Variants in GOLGA7 observed in about 807,000 individuals in gnomAD.
GOLGA7 encodes the protein golgin A7.
A neutral mutation model predicts 21.1 loss-of-function variants in GOLGA7; 10 were observed. The observed-to-expected ratio is 0.47, with a 90% CI of 0.29 to 0.80. The LOEUF is 0.80. Ranked by LOEUF, GOLGA7 falls within the 30% of genes least tolerant of loss-of-function variation. The pLI, the probability that GOLGA7 is intolerant of heterozygous loss-of-function variation, is 0.08. For synonymous variants in GOLGA7, 64 were observed against 62.6 expected (o/e 1.02, Z -0.10); for missense variants, 114 against 166.8 (o/e 0.68, Z 1.74).
chr8:41,497,702 T>C (rs879698825), intron 2 of GOLGA7, 41 bp downstream of exon 2: 1 of 1,121,808 alleles, frequency 8.9e-7, no homozygotes, highest in Admixed American at 2.0e-5. Flanking sequence ...CTTAAAATCA[T>C]GAAGAAGGCA....
At chr8:41,497,727 T>G in intron 2 of GOLGA7, 66 bp downstream of exon 2, 1 of 790,106 alleles carries the variant, frequency 1.3e-6, no homozygotes, top group African/African-American at 1.7e-5. Context: ...TATTACACAT[T>G]GATGCTTACA....
chr8:41,502,945 C>T (rs1806184063), intron 2 of GOLGA7, among the ~76,000 whole-genome samples: 3 of 151,954 alleles, frequency 2.0e-5, no homozygotes, highest in Admixed American at 1.3e-4. Flanking sequence ...GTGAGAATGG[C>T]GCTTTGTCCT....
intron 4 of GOLGA7, among the ~76,000 whole-genome samples, chr8:41,507,610 C>T (rs989809905): frequency 1.3e-5 from 2 of 152,166 alleles, no homozygotes; most frequent in Non-Finnish European, 2.9e-5. Flanking sequence ...ACCTTACCTA[C>T]TGAGTAGAAA....
In GOLGA7 at chr8:41,501,136, G is replaced by C. The variant is rs544408057; in HGVS notation, c.264+3475G>C. On this transcript the variant is annotated intron_variant, in intron 2 of 4. Transcript: ENST00000357743. ...GTGTATTTGCTGAAATAGAAGTACTGATGTCATTTGTAAAAAGAAATTGGT... is the reference window on the plus strand; with the variant it reads ...GTGTATTTGCTGAAATAGAAGTACTCATGTCATTTGTAAAAAGAAATTGGT... 9.9e-5 allele frequency among the ~76,000 whole-genome samples: 15 copies of C among 152,250 alleles called. No homozygotes were observed. In the South Asian group the frequency reaches 2.9e-3, roughly 29 times the overall value.
Position 41,490,783 on chromosome 8 carries a change from G to A in GOLGA7, c.-72G>A. The A allele has an allele frequency of 2.5e-6, 2 of 813,948 alleles. No individual in the cohort carries two copies. The highest frequency in any genetic ancestry group is 2.7e-5 in the East Asian group (1 of 37,562). The allele number at this position is 813,948 out of a possible 1,614,324, so 50.4% of individuals were successfully genotyped here. A position where few individuals can be genotyped will look rare whatever the true frequency, so the allele number is the denominator to read the frequency against. On this transcript the variant is annotated 5_prime_UTR_variant, in exon 1 of 5. Coordinates refer to ENST00000357743, the MANE Select transcript of GOLGA7 (RefSeq NM_001002296.2). ...GAGGGGCTGGCGGGTCAGAGTCCCG[G>A]GTCCAGGCCGGGGCTCTGACTCGCG...
At chr8:41,493,677 A>G (rs1805939366) in intron 1 of GOLGA7, among the ~76,000 whole-genome samples, 1 of 152,126 alleles carries the variant, frequency 6.6e-6, no homozygotes, top group Admixed American at 6.6e-5. Flanking sequence ...ATTACCTTTG[A>G]CCTGCCACCC....
chr8:41,495,904 G>A (rs2150439306), intron 1 of GOLGA7, among the ~76,000 whole-genome samples: 1 of 152,128 alleles, frequency 6.6e-6, no homozygotes, highest in African/African-American at 2.4e-5. Context: ...AGTAATATTG[G>A]AAGAATAAAG....
intron 2 of GOLGA7, among the ~76,000 whole-genome samples, chr8:41,497,968 T>C (rs1806060987): frequency 6.6e-6 from 1 of 152,178 alleles, no homozygotes; most frequent in Admixed American, 6.5e-5. Context: ...TTTCCCTAAA[T>C]TTCACTCTCT....
chr8:41,507,441 CAT>C (rs1806312705), intron 4 of GOLGA7, among the ~76,000 whole-genome samples: 1 of 152,052 alleles, frequency 6.6e-6, no homozygotes. Context: ...CTATCCTAGA[CAT>C]ATAAATACTT....
intron 4 of GOLGA7, among the ~76,000 whole-genome samples, chr8:41,507,808 T>TA (rs768708307): frequency 2.6e-5 from 4 of 152,220 alleles, no homozygotes; most frequent in Non-Finnish European, 5.9e-5. Flanking sequence ...CAATTTTAGT[T>TA]ACGTGGTCTT....
chr8:41,490,536 G>T, upstream of GOLGA7: 1 of 346,392 alleles, frequency 2.9e-6, no homozygotes, highest in Non-Finnish European at 5.3e-6. Flanking sequence ...GCCGAGCTGA[G>T]GGGCGGGGAA....
At position 41,497,580 on chromosome 8, in the gene GOLGA7, C is replaced by T. The variant is rs145142983; in HGVS notation, c.183C>T (p.Gly61=). Residue 61 remains glycine (G), a synonymous_variant, in exon 2 of 5, where the codon GGC becomes GGT. Coordinates refer to ENST00000357743, the MANE Select transcript of GOLGA7 (RefSeq NM_001002296.2). Reference sequence around the variant, plus strand: ...TTTATGCAGAAGCAGAGAAGCTCGGCGGCCAGTCATATCTCGAAGGTTGTT... The same window carrying T: ...TTTATGCAGAAGCAGAGAAGCTCGGTGGCCAGTCATATCTCGAAGGTTGTT... ...NNLYAEAEKL[G]GQSYLEGCLA... The T allele has an allele frequency of 2.0e-5, 32 of 1,584,586 alleles. No individual in the cohort carries two copies. Among genetic ancestry groups the T allele is most frequent in the African/African-American group, 1.6e-4 (12 of 74,434 alleles).
At position 41,504,120 on chromosome 8, in the gene GOLGA7, T is replaced by TTAA. The variant is rs71546394; in HGVS notation, c.265-1791_265-1790insTAA. On this transcript the variant is annotated intron_variant, in intron 2 of 4. Transcript: ENST00000357743. ...ATGTACCCTAAAACTTAGAGTATAA[T>TTAA]AAAAAAAAAAAAAAAACAAAACAAA... Among the ~76,000 whole-genome samples, 51 of 121,226 alleles carry TTAA rather than the reference T, an allele frequency of 4.2e-4. No homozygotes were observed. The South Asian group carries it at 0.01, about 25-fold the overall frequency. 79.5% of individuals were successfully genotyped at this position (121,226 alleles called of 152,430 possible).
chr8:41,490,854 C>T lies in GOLGA7; in HGVS notation c.-1C>T, dbSNP rs756595302. The T allele has an allele frequency of 2.5e-5, 40 of 1,576,390 alleles. No individual in the cohort carries two copies. Among genetic ancestry groups the T allele is most frequent in the Non-Finnish European group, 3.5e-5 (40 of 1,157,190 alleles). The stretch of plus-strand genomic sequence containing the variant: ...GCAGCGCGGGGTGTCCTGTCCTCGC[C>T]ATGAGGCCGCAGCAGGCGCCGGTGT... On this transcript the variant is annotated 5_prime_UTR_variant, in exon 1 of 5. Transcript: ENST00000357743.
At position 41,507,095 on chromosome 8, in the gene GOLGA7, A is replaced by T; in HGVS notation, c.403A>T (p.Ser135Cys). The T allele has an allele frequency of 1.5e-6, 2 of 1,325,580 alleles. No individual in the cohort carries two copies. Among genetic ancestry groups the T allele is most frequent in the Non-Finnish European group, 2.2e-6 (2 of 916,458 alleles). 82.1% of individuals were successfully genotyped at this position (1,325,580 alleles called of 1,614,324 possible). Residue 135 changes from serine to cysteine, a missense_variant, in exon 4 of 5, where the codon AGT becomes TGT. Physicochemically the swap from Ser to Cys is moderately radical, Grantham distance 112. Coordinates refer to ENST00000357743, the MANE Select transcript of GOLGA7 (RefSeq NM_001002296.2). ...ITIYEDRGMS[S>C]GR Reference sequence around the variant, plus strand: ...CATTTATGAAGACAGAGGCATGAGCAGTGGAAGATAAACCGAAGAATTAAA... The same window carrying T: ...CATTTATGAAGACAGAGGCATGAGCTGTGGAAGATAAACCGAAGAATTAAA...
intron 2 of GOLGA7, among the ~76,000 whole-genome samples, chr8:41,504,594 T>C (rs1806237149): frequency 6.6e-6 from 1 of 152,192 alleles, no homozygotes; most frequent in South Asian, 2.1e-4. Flanking sequence ...AAAAAACAAA[T>C]CTTTTATTTA....
At chr8:41,492,586 T>C (rs1206359689) in intron 1 of GOLGA7, among the ~76,000 whole-genome samples, 1 of 152,170 alleles carries the variant, frequency 6.6e-6, no homozygotes, top group Non-Finnish European at 1.5e-5. Context: ...TTCTTGAACC[T>C]GGGAGGCGGA....
chr8:41,504,491 G>T (rs1401865843), intron 2 of GOLGA7, among the ~76,000 whole-genome samples: 2 of 152,060 alleles, frequency 1.3e-5, no homozygotes, highest in African/African-American at 4.8e-5. Context: ...GCCTAAGGGG[G>T]TTTTTTTGCT....
chr8:41,504,789 C>T (rs1042678990), intron 2 of GOLGA7, among the ~76,000 whole-genome samples: 1 of 152,100 alleles, frequency 6.6e-6, no homozygotes, highest in African/African-American at 2.4e-5. Context: ...GTTTTAAATT[C>T]TAAATCAGTT....
Sources: gnomAD v4.1 joint callset for allele counts (sites outside exome capture counted in the v4.1 genomes callset) on GRCh38, gnomAD v4.1.1 for gene constraint, MANE v1.5 for transcripts, NCBI Gene and HGNC (gene_info 2026-07-23, HGNC 2026-07-21) for gene names.